The following INIP variants were observed in gnomAD, a reference collection of about 807,000 sequenced individuals.
INIP encodes SOSS complex subunit C.
INIP carries 9 observed loss-of-function variants against 14.0 expected under a neutral mutation model. That is an observed-to-expected ratio of 0.64 (90% CI 0.39 to 1.12). The LOEUF (loss-of-function observed/expected upper bound fraction) is 1.12. INIP is among the 50% of genes most tolerant of loss of function. The pLI, the probability that INIP is intolerant of heterozygous loss-of-function variation, is 0.01. For synonymous variants in INIP, 37 were observed against 41.5 expected (o/e 0.89, Z 0.41); for missense variants, 78 against 122.7 (o/e 0.64, Z 1.72).
At chr9:112,703,303 A>G (rs577781503) in intron 2 of INIP, among the ~76,000 whole-genome samples, 7 of 152,320 alleles carry the variant, frequency 4.6e-5, no homozygotes, top group African/African-American at 1.7e-4. Context: ...CATTATTAAC[A>G]TATGCTCTAA....
At chr9:112,694,089 C>T in intron 3 of INIP, 42 bp downstream of exon 3, 1 of 1,338,624 alleles carries the variant, frequency 7.5e-7, no homozygotes, top group Non-Finnish European at 1.1e-6. Flanking sequence ...CAAAACAAAA[C>T]AAAACAAAAC....
intron 2 of INIP, among the ~76,000 whole-genome samples, chr9:112,705,853 A>G (rs1048208962): frequency 2.6e-5 from 4 of 152,204 alleles, no homozygotes; most frequent in African/African-American, 9.6e-5. Context: ...AGAAGGAGCC[A>G]TATATTTAGG....
intron 2 of INIP, among the ~76,000 whole-genome samples, chr9:112,707,330 C>T (rs1838508816): frequency 7.5e-6 from 1 of 132,656 alleles, no homozygotes; most frequent in African/African-American, 2.7e-5. Context: ...CTGTTTCAAA[C>T]TTTTTTTTTT....
intron 2 of INIP, among the ~76,000 whole-genome samples, chr9:112,699,521 G>C (rs1187528535): frequency 6.6e-6 from 1 of 152,022 alleles, no homozygotes; most frequent in African/African-American, 2.4e-5. Flanking sequence ...TGTTATAATT[G>C]TTAATTGTAT....
intron 2 of INIP, among the ~76,000 whole-genome samples, chr9:112,715,790 T>G (rs184521857): frequency 7.3e-5 from 11 of 151,338 alleles, no homozygotes; most frequent in African/African-American, 1.7e-4. Flanking sequence ...AAAAAAAAAG[T>G]ATTTTATTTA....
intron 2 of INIP, among the ~76,000 whole-genome samples, chr9:112,705,345 G>A (rs189305576): frequency 6.6e-6 from 1 of 152,052 alleles, no homozygotes; most frequent in Non-Finnish European, 1.5e-5. Context: ...GTCTCGCTCT[G>A]TTGCCCAGGC....
At chr9:112,704,312 T>C (rs954508318) in intron 2 of INIP, among the ~76,000 whole-genome samples, 2 of 152,088 alleles carry the variant, frequency 1.3e-5, no homozygotes, top group African/African-American at 4.8e-5. Flanking sequence ...CCTAGAGAGC[T>C]CACAGTACAG....
intron 2 of INIP, among the ~76,000 whole-genome samples, chr9:112,697,242 C>A (rs1463357605): frequency 1.3e-5 from 2 of 152,188 alleles, no homozygotes; most frequent in Non-Finnish European, 2.9e-5. Context: ...AGGCTGGTGG[C>A]TCATACCTGT....
At chr9:112,705,408 C>T (rs1838428159) in intron 2 of INIP, among the ~76,000 whole-genome samples, 1 of 152,146 alleles carries the variant, frequency 6.6e-6, no homozygotes, top group South Asian at 2.1e-4. Context: ...ATCCCCGGCT[C>T]AAGGCATCCT....
chr9:112,713,902 T>G (rs1009355173), intron 2 of INIP, among the ~76,000 whole-genome samples: 1 of 151,576 alleles, frequency 6.6e-6, no homozygotes, highest in African/African-American at 2.4e-5. Context: ...GAGAATCGCT[T>G]GAACCCAGGA....
At chr9:112,708,913 C>G (rs1367441149) in intron 2 of INIP, among the ~76,000 whole-genome samples, 1 of 151,550 alleles carries the variant, frequency 6.6e-6, no homozygotes, top group Non-Finnish European at 1.5e-5. Flanking sequence ...CTTGCTCTGT[C>G]CTAAATCTAG....
rs1376420193 is a variant in INIP, at chr9:112,686,298, T to C, written c.*1240A>G. The C allele has an allele frequency of 1.3e-5, 2 of 152,192 alleles. No homozygotes were observed. Among genetic ancestry groups the C allele is most frequent in the Non-Finnish European group, 2.9e-5 (2 of 68,034 alleles). 9.4% of individuals were successfully genotyped at this position (152,192 alleles called of 1,614,324 possible). ...ATATATCACGAAAATCTGTACAAGATATTTCATAGAATTCTCTATCTCATG... is the reference window on the plus strand; with the variant it reads ...ATATATCACGAAAATCTGTACAAGACATTTCATAGAATTCTCTATCTCATG... On this transcript the variant is annotated 3_prime_UTR_variant, in exon 5 of 5. Transcript: ENST00000374242.
intron 2 of INIP, among the ~76,000 whole-genome samples, chr9:112,713,664 T>C (rs1232825578): frequency 6.6e-6 from 1 of 151,762 alleles, no homozygotes; most frequent in African/African-American, 2.4e-5. Context: ...GAGCCCAGCC[T>C]GAGCAACAGA....
intron 2 of INIP, among the ~76,000 whole-genome samples, chr9:112,702,946 C>T (rs1348115276): frequency 6.6e-6 from 1 of 151,982 alleles, no homozygotes; most frequent in East Asian, 1.9e-4. Context: ...GACAGGATAG[C>T]TTGATTCAAT....
In INIP at chr9:112,684,074, T is replaced by C. The variant is rs1368136346; in HGVS notation, c.*3464A>G. 1 of 152,232 alleles carries C rather than the reference T, an allele frequency of 6.6e-6. No homozygotes were observed. The highest frequency in any genetic ancestry group is 1.9e-4 in the East Asian group (1 of 5,206). 9.4% of individuals were successfully genotyped at this position (152,232 alleles called of 1,614,324 possible). Reference sequence around the variant, plus strand: ...TTATATTGCAACTCAAGTCTATAAATTCTTTCATTCCTTCAACATATTGAA... The same window carrying C: ...TTATATTGCAACTCAAGTCTATAAACTCTTTCATTCCTTCAACATATTGAA... On this transcript the variant is annotated 3_prime_UTR_variant, in exon 5 of 5. Coordinates refer to ENST00000374242, the MANE Select transcript of INIP (RefSeq NM_021218.3).
chr9:112,714,824 G>C (rs1367126241), intron 2 of INIP, among the ~76,000 whole-genome samples: 2 of 152,110 alleles, frequency 1.3e-5, no homozygotes, highest in African/African-American at 4.8e-5. Flanking sequence ...ATTGTTAGGT[G>C]ATTTTGTGTT....
At chr9:112,707,103 C>G (rs1381144269) in intron 2 of INIP, among the ~76,000 whole-genome samples, 1 of 151,932 alleles carries the variant, frequency 6.6e-6, no homozygotes, top group Non-Finnish European at 1.5e-5. Context: ...CCATGCCTGG[C>G]TAATTTTGTA....
In INIP at chr9:112,687,515, C is replaced by G. The variant is rs750570977; in HGVS notation, c.*23G>C. On this transcript the variant is annotated 3_prime_UTR_variant, in exon 5 of 5. Transcript: ENST00000374242. Reference sequence around the variant, plus strand: ...TTTGGCATTTGATATTACAAAGTCACTTTTCCATCGCAAATGTTTTCTTCA... The same window carrying G: ...TTTGGCATTTGATATTACAAAGTCAGTTTTCCATCGCAAATGTTTTCTTCA... 1.4e-6 allele frequency: 2 copies of G among 1,479,288 alleles called. No homozygotes were observed. Among genetic ancestry groups the G allele is most frequent in the South Asian group, 2.3e-5 (2 of 87,472 alleles). The allele number at this position is 1,479,288 out of a possible 1,614,324, so 91.6% of individuals were successfully genotyped here.
chr9:112,693,990 G>A (rs565650076), intron 3 of INIP, 141 bp downstream of exon 3: 8 of 461,626 alleles, frequency 1.7e-5, no homozygotes, highest in East Asian at 1.3e-4. Flanking sequence ...CAGGAGAATC[G>A]CTAGAACCCG....
Sources: gnomAD v4.1 joint callset for allele counts (sites outside exome capture counted in the v4.1 genomes callset) on GRCh38, gnomAD v4.1.1 for gene constraint, MANE v1.5 for transcripts, NCBI Gene and HGNC (gene_info 2026-07-23, HGNC 2026-07-21) for gene names.